Variants in TPO observed in about 807,000 individuals in gnomAD.
TPO encodes thyroid peroxidase.
Under a neutral mutation model 96.9 loss-of-function variants are expected in TPO, and 78 were observed. The ratio of observed to expected loss-of-function variants is 0.81; its 90% CI spans 0.67 to 0.97. The LOEUF is 0.97. TPO is among the 50% of genes least tolerant of loss of function. The probability of loss-of-function intolerance (pLI) is 0.00; values close to 1 mark genes in which losing one functional copy is unlikely to be tolerated. For missense variants in TPO, 1,252 were observed against 1,274.8 expected (o/e 0.98, Z 0.27); for synonymous variants, 547 against 538.0 (o/e 1.02, Z -0.23).
intron 8 of TPO, among the ~76,000 whole-genome samples, chr2:1,480,180 G>C (rs1037013176): frequency 6.6e-6 from 1 of 152,082 alleles, no homozygotes; most frequent in African/African-American, 2.4e-5. Context: ...TTTTCTGTGT[G>C]TTCTGCTTTT....
At chr2:1,462,140 A>ACAG (rs1486449985) in intron 7 of TPO, among the ~76,000 whole-genome samples, 4 of 152,122 alleles carry the variant, frequency 2.6e-5, no homozygotes, top group Non-Finnish European at 5.9e-5. Context: ...ACTGGGGTTG[A>ACAG]CAGCACTTCC....
intron 15 of TPO, among the ~76,000 whole-genome samples, chr2:1,522,096 G>T (rs112253235): frequency 1.2e-4 from 18 of 148,816 alleles, no homozygotes; most frequent in African/African-American, 4.5e-4. Context: ...CCCTGCCACC[G>T]TGCCCTGGCA....
intron 8 of TPO, among the ~76,000 whole-genome samples, chr2:1,480,668 C>T (rs138363555): frequency 1.3e-3 from 190 of 151,292 alleles, no homozygotes; most frequent in African/African-American, 3.6e-3. Context: ...ATCTCAGAGC[C>T]GGGAGTCACA....
At chr2:1,425,563 C>A (rs1163796506) in intron 3 of TPO, among the ~76,000 whole-genome samples, 1 of 152,012 alleles carries the variant, frequency 6.6e-6, no homozygotes, top group Non-Finnish European at 1.5e-5. Context: ...ATTTCATATC[C>A]TCAAAAGTCT....
intron 11 of TPO, among the ~76,000 whole-genome samples, chr2:1,494,990 G>A (rs959767003): frequency 6.6e-5 from 10 of 152,124 alleles, no homozygotes; most frequent in South Asian, 2.1e-4. Context: ...GCAAACGTGC[G>A]GTTTGGAATT....
chr2:1,481,060 A>C (rs1424585653), intron 8 of TPO, among the ~76,000 whole-genome samples: 3 of 152,054 alleles, frequency 2.0e-5, no homozygotes, highest in East Asian at 3.9e-4. Context: ...ACTCGCACGT[A>C]GGAAGGGCTG....
rs1382146321 is a variant in TPO at position 1,543,517 on chromosome 2, G to C, written c.*1043G>C. On this transcript the variant is annotated 3_prime_UTR_variant, in exon 17 of 17. Transcript: ENST00000329066. Reference sequence around the variant, plus strand: ...TTATTTCGCTCTACTGTTATGTAGAGAAAGCATGGTTTGCTTTTTATAACT... The same window carrying C: ...TTATTTCGCTCTACTGTTATGTAGACAAAGCATGGTTTGCTTTTTATAACT... The C allele has an allele frequency of 6.6e-6, 1 of 152,082 alleles. No homozygotes were observed. Among genetic ancestry groups the C allele is most frequent in the Non-Finnish European group, 1.5e-5 (1 of 68,020 alleles). 9.4% of individuals were successfully genotyped at this position (152,082 alleles called of 1,614,324 possible).
intron 14 of TPO, among the ~76,000 whole-genome samples, chr2:1,515,627 G>A (rs1220343764): frequency 2.0e-5 from 3 of 152,166 alleles, no homozygotes; most frequent in African/African-American, 7.2e-5. Context: ...CCCATGATAG[G>A]AAGACAGCCA....
intron 3 of TPO, among the ~76,000 whole-genome samples, chr2:1,424,305 A>G (rs1215630005): frequency 3.9e-5 from 2 of 51,092 alleles, no homozygotes; most frequent in African/African-American, 1.4e-4. Flanking sequence ...GTGGACACCA[A>G]GGTTTTATGA....
chr2:1,509,301 A>G (rs1261998407), intron 14 of TPO, among the ~76,000 whole-genome samples: 1 of 151,052 alleles, frequency 6.6e-6, no homozygotes, highest in Non-Finnish European at 1.5e-5. Context: ...GCACACCCCC[A>G]CTCCTGTGTC....
intron 3 of TPO, among the ~76,000 whole-genome samples, chr2:1,424,416 T>A (rs1266452421): frequency 6.6e-6 from 1 of 152,176 alleles, no homozygotes. Flanking sequence ...ACCCACCACC[T>A]TCCATCGTGA....
chr2:1,438,823 A>T (rs1050547252), intron 5 of TPO: 2 of 716,310 alleles, frequency 2.8e-6, no homozygotes, highest in African/African-American at 3.5e-5. Context: ...AAGAAAAATG[A>T]AATATAAGCC....
rs577466216 is a variant in TPO, at chr2:1,482,235, G to A, written c.1339-2361G>A. 5.3e-5 allele frequency among the ~76,000 whole-genome samples: 8 copies of A among 152,296 alleles called. No homozygotes were observed. The East Asian group carries it at 7.7e-4, about 15-fold the overall frequency. On this transcript the variant is annotated intron_variant, in intron 8 of 16. Coordinates refer to ENST00000329066, the MANE Select transcript of TPO (RefSeq NM_001206744.2). ...CAGGTCTCTTCGTCCTGGTCTCCCC[G>A]TGTGCTGGGGTCCTGGCTTCCCGTC...
intron 1 of TPO, among the ~76,000 whole-genome samples, chr2:1,388,561 G>A (rs1661945017): frequency 6.6e-6 from 1 of 152,216 alleles, no homozygotes; most frequent in Admixed American, 6.5e-5. Context: ...CATTGGAAAA[G>A]CGCAGTATTA....
intron 1 of TPO, among the ~76,000 whole-genome samples, chr2:1,400,582 A>AAG (rs1436213930): frequency 6.7e-6 from 1 of 148,434 alleles, no homozygotes; most frequent in African/African-American, 2.6e-5. Context: ...AAAAAAAAAA[A>AAG]AAAAAAGAAA....
intron 1 of TPO, among the ~76,000 whole-genome samples, chr2:1,374,725 CTT>C (rs11292664): frequency 8.3e-4 from 113 of 136,684 alleles, no homozygotes; most frequent in Middle Eastern, 3.8e-3. Context: ...TTCTTTCTTT[CTT>C]TTTTTTTTTT....
intron 1 of TPO, among the ~76,000 whole-genome samples, chr2:1,393,299 C>G (rs1420944570): frequency 2.0e-5 from 3 of 152,218 alleles, no homozygotes; most frequent in Non-Finnish European, 4.4e-5. Flanking sequence ...GCTGCTAACC[C>G]ATTCGTGAGA....
chr2:1,478,176 T>C, intron 8 of TPO: 2 of 985,458 alleles, frequency 2.0e-6, no homozygotes, highest in Non-Finnish European at 2.4e-6. Flanking sequence ...CTTTCTTAAG[T>C]ATCACATGAG....
chr2:1,477,629 C>T (rs770608633), intron 8 of TPO, 25 bp downstream of exon 8: 1 of 1,468,586 alleles, frequency 6.8e-7, no homozygotes, highest in South Asian at 1.3e-5. Flanking sequence ...CCTGGGCGCC[C>T]TGGGTGGCTG....
Sources: gnomAD v4.1 joint callset for allele counts (sites outside exome capture counted in the v4.1 genomes callset) on GRCh38, gnomAD v4.1.1 for gene constraint, MANE v1.5 for transcripts, NCBI Gene and HGNC (gene_info 2026-07-23, HGNC 2026-07-21) for gene names.